DPH6: variants seen among roughly 807,000 people sequenced by gnomAD.
The protein encoded by DPH6 is diphthamine biosynthesis 6, also known as diphthine--ammonia ligase.
In DPH6, 33 loss-of-function variants were observed where a neutral mutation model predicts 38.2. The ratio of observed to expected loss-of-function variants is 0.86; its 90% CI spans 0.65 to 1.15. The LOEUF is 1.15. DPH6 is among the 50% of genes most tolerant of loss of function. The probability of loss-of-function intolerance (pLI) is 0.00; values close to 1 mark genes in which losing one functional copy is unlikely to be tolerated. For missense variants in DPH6, 325 were observed against 320.0 expected (o/e 1.02, Z -0.12); for synonymous variants, 108 against 103.0 (o/e 1.05, Z -0.30).
intron 3 of DPH6, among the ~76,000 whole-genome samples, chr15:35,230,048 C>T (rs145160424): frequency 4.6e-5 from 7 of 152,300 alleles, no homozygotes; most frequent in Admixed American, 3.3e-4. Flanking sequence ...CTGGCTACCA[C>T]CTATGGTCAC....
the DPH6 span, among the ~76,000 whole-genome samples, chr15:35,207,438 A>T: frequency 6.6e-6 from 1 of 152,172 alleles, no homozygotes; most frequent in Non-Finnish European, 1.5e-5. Context: ...TAGCACCTCC[A>T]AAGAAAACCA....
At chr15:35,424,074 ATT>A (rs150438145) in intron 5 of DPH6, among the ~76,000 whole-genome samples, 2 of 150,664 alleles carry the variant, frequency 1.3e-5, no homozygotes, top group East Asian at 3.9e-4. Context: ...GAATTTTGGG[ATT>A]TTTTTTTCTA....
the DPH6 span, among the ~76,000 whole-genome samples, chr15:35,194,397 TAG>T: frequency 1.7e-4 from 21 of 124,586 alleles, no homozygotes; most frequent in Non-Finnish European, 1.9e-4. Context: ...GAGAGAGAGA[TAG>T]AGAGAGAGAG....
At chr15:35,243,830 G>A (rs540007637) in intron 3 of DPH6, among the ~76,000 whole-genome samples, 4 of 152,224 alleles carry the variant, frequency 2.6e-5, no homozygotes, top group South Asian at 4.2e-4. Flanking sequence ...CCACGGACGC[G>A]CATGAAAAAT....
chr15:35,214,671 G>A (rs766075044), downstream of DPH6, among the ~76,000 whole-genome samples: 3 of 152,060 alleles, frequency 2.0e-5, no homozygotes, highest in Non-Finnish European at 4.4e-5. Flanking sequence ...GCAGCGGCAC[G>A]ATCTCAGCTC....
At chr15:35,264,346 CTCT>C (rs1566854294) in intron 3 of DPH6, among the ~76,000 whole-genome samples, 1 of 152,080 alleles carries the variant, frequency 6.6e-6, no homozygotes, top group Non-Finnish European at 1.5e-5. Context: ...GGCAATGCTA[CTCT>C]TCCTCTTCAT....
chr15:35,475,368 T>C (rs952508287), intron 3 of DPH6, among the ~76,000 whole-genome samples: 2 of 152,024 alleles, frequency 1.3e-5, no homozygotes, highest in East Asian at 1.9e-4. Context: ...TCAATGTTTA[T>C]TTAGCTTCTC....
intron 3 of DPH6, among the ~76,000 whole-genome samples, chr15:35,513,007 T>C (rs1312748520): frequency 1.3e-5 from 2 of 152,006 alleles, no homozygotes; most frequent in African/African-American, 2.4e-5. Context: ...TACAGGCACA[T>C]GATAGAATAT....
intron 3 of DPH6, among the ~76,000 whole-genome samples, chr15:35,226,331 T>C (rs2140388725): frequency 6.6e-6 from 1 of 152,288 alleles, no homozygotes; most frequent in East Asian, 1.9e-4. Context: ...TACTAATAAA[T>C]ACCTTTACTC....
intron 5 of DPH6, among the ~76,000 whole-genome samples, chr15:35,450,423 A>G: frequency 1.3e-5 from 2 of 151,762 alleles, no homozygotes; most frequent in Non-Finnish European, 2.9e-5. Flanking sequence ...GAAGGACTAT[A>G]ATACAATATC....
downstream of DPH6, among the ~76,000 whole-genome samples, chr15:35,330,455 G>T (rs566639542): frequency 6.6e-6 from 1 of 152,156 alleles, no homozygotes; most frequent in Non-Finnish European, 1.5e-5. Context: ...TCTGGCTCAC[G>T]TGATTCCCAA....
intron 3 of DPH6, among the ~76,000 whole-genome samples, chr15:35,534,804 A>C (rs897792481): frequency 2.6e-5 from 4 of 152,196 alleles, no homozygotes; most frequent in African/African-American, 7.2e-5. Flanking sequence ...TTGGCTTTGC[A>C]ATATTTTGTG....
intron 5 of DPH6, among the ~76,000 whole-genome samples, chr15:35,435,378 A>C (rs1386943769): frequency 6.6e-6 from 1 of 152,264 alleles, no homozygotes; most frequent in Non-Finnish European, 1.5e-5. Flanking sequence ...GCTTCAAAAA[A>C]GGCAAACATT....
At chr15:35,440,028 A>C (rs2053767464) in intron 5 of DPH6, among the ~76,000 whole-genome samples, 1 of 152,184 alleles carries the variant, frequency 6.6e-6, no homozygotes, top group Admixed American at 6.5e-5. Flanking sequence ...TTCCAGACTG[A>C]TTAGTTGTTT....
At chr15:35,193,154 C>T in the DPH6 span, among the ~76,000 whole-genome samples, 1 of 152,018 alleles carries the variant, frequency 6.6e-6, no homozygotes, top group Non-Finnish European at 1.5e-5. Context: ...TGCTTATAAT[C>T]TCTAAAATTA....
At chr15:35,295,420 C>T (rs2052008258) in intron 3 of DPH6, among the ~76,000 whole-genome samples, 1 of 152,194 alleles carries the variant, frequency 6.6e-6, no homozygotes, top group Non-Finnish European at 1.5e-5. Context: ...GTTGCTTTAT[C>T]TTTCCCACCC....
chr15:35,204,110 T>C, the DPH6 span, among the ~76,000 whole-genome samples: 2 of 151,820 alleles, frequency 1.3e-5, no homozygotes, highest in East Asian at 3.8e-4. Flanking sequence ...CAAACATCAA[T>C]CTTTCCTGTA....
chr15:35,336,478 T>C (rs2052374024), intron 3 of DPH6, among the ~76,000 whole-genome samples: 1 of 152,212 alleles, frequency 6.6e-6, no homozygotes, highest in South Asian at 2.1e-4. Context: ...CTGAAGGTTG[T>C]GCATTCATCA....
chr15:35,271,415 T>C (rs771228890), intron 3 of DPH6, among the ~76,000 whole-genome samples: 1 of 152,128 alleles, frequency 6.6e-6, no homozygotes, highest in Non-Finnish European at 1.5e-5. Flanking sequence ...AAAAAACATT[T>C]GATAAAAAAC....
Sources: allele counts gnomAD v4.1 joint callset (sites outside exome capture counted in the v4.1 genomes callset), GRCh38; gene constraint gnomAD v4.1.1; transcripts MANE v1.5; gene names NCBI Gene and HGNC (gene_info 2026-07-23, HGNC 2026-07-21).